EHD4: variants seen among roughly 807,000 people sequenced by gnomAD.
EHD4 encodes the protein EH domain containing 4, also known as EH domain-containing protein 4.
A neutral mutation model predicts 51.0 loss-of-function variants in EHD4; 37 were observed. The ratio of observed to expected loss-of-function variants is 0.73; its 90% confidence interval spans 0.56 to 0.95. The LOEUF is 0.95. Ranked by LOEUF, EHD4 falls within the 40% of genes least tolerant of loss-of-function variation. The probability of loss-of-function intolerance (pLI) is 0.00; values close to 1 mark genes in which losing one functional copy is unlikely to be tolerated. For missense variants in EHD4, 632 were observed against 733.1 expected (o/e 0.86, Z 1.59); for synonymous variants, 297 against 317.3 (o/e 0.94, Z 0.68).
At position 41,901,793 on chromosome 15, in the gene EHD4, G is replaced by T. The variant is rs548205713; in HGVS notation, c.1090-612C>A. Among the ~76,000 whole-genome samples, 3 of 152,296 alleles carry T rather than the reference G, an allele frequency of 2.0e-5. No homozygotes were observed. In the South Asian group the frequency reaches 6.2e-4, roughly 32 times the overall value. Reference sequence around the variant, plus strand: ...CTAACCTCTTATGAATGAGCTGAGGGCGCTACTCAACAGGAACCCCGTAGG... The same window carrying T: ...CTAACCTCTTATGAATGAGCTGAGGTCGCTACTCAACAGGAACCCCGTAGG... On this transcript the variant is annotated intron_variant, in intron 5 of 5. Coordinates refer to ENST00000220325, the MANE Select transcript of EHD4 (RefSeq NM_139265.4).
Position 41,953,882 on chromosome 15 carries a change from A to G in EHD4, c.295T>C (p.Ser99Pro). Residue 99 changes from serine (S) to proline (P), a missense_variant, in exon 2 of 6, where the codon TCC (serine) becomes CCC (proline). Physicochemically the swap from Ser to Pro is moderately conservative, Grantham distance 74. Coordinates refer to ENST00000220325, the MANE Select transcript of EHD4 (RefSeq NM_139265.4). ...TCTCCATACATCACGGCGATGAAGG[A>G]GTCTGTGGTGGGCTCCGGACCAATC... is the stretch of plus-strand genomic sequence containing the variant. ...MRIGPEPTTD[S>P]FIAVMYGETE... 10 of 1,613,828 alleles carry G rather than the reference A, an allele frequency of 6.2e-6. No individual in the cohort carries two copies. The highest frequency in any genetic ancestry group is 8.5e-6 in the Non-Finnish European group (10 of 1,179,950).
chr15:41,924,116 TG>T (rs1266040406), intron 3 of EHD4, among the ~76,000 whole-genome samples: 1 of 152,262 alleles, frequency 6.6e-6, no homozygotes, highest in Non-Finnish European at 1.5e-5. Flanking sequence ...AAATTTGAGC[TG>T]TGGTTACTCT....
chr15:41,930,100 C>A (rs2067688604), intron 3 of EHD4, among the ~76,000 whole-genome samples: 1 of 152,154 alleles, frequency 6.6e-6, no homozygotes. Flanking sequence ...AACTTATTGT[C>A]ATCCAATTCC....
intron 2 of EHD4, among the ~76,000 whole-genome samples, chr15:41,949,109 C>T (rs963302176): frequency 2.0e-5 from 3 of 147,762 alleles, no homozygotes; most frequent in African/African-American, 7.5e-5. Flanking sequence ...GTGGCTCATG[C>T]CTGTAATCCC....
At chr15:41,940,108 C>A (rs867320655) in intron 3 of EHD4, among the ~76,000 whole-genome samples, 3 of 152,122 alleles carry the variant, frequency 2.0e-5, no homozygotes, top group Non-Finnish European at 4.4e-5. Context: ...CGTGAGCCAC[C>A]GCGCCCAGCC....
rs1016215120 is a variant in EHD4, at chr15:41,897,962, G to C, written c.*2683C>G. 6.6e-6 allele frequency: 1 copy of C among 152,224 alleles called. No homozygotes were observed. Among genetic ancestry groups the C allele is most frequent in the African/African-American group, 2.4e-5 (1 of 41,448 alleles). 9.4% of individuals were successfully genotyped at this position (152,224 alleles called of 1,614,324 possible). A position where few individuals can be genotyped will look rare whatever the true frequency, so the allele number is the denominator to read the frequency against. Reference sequence around the variant, plus strand: ...GGTCGGCCCTGCCGCCCTGCCGTGTGGGGTAGGGAGACAGCTGGTGGTGTG... The same window carrying C: ...GGTCGGCCCTGCCGCCCTGCCGTGTCGGGTAGGGAGACAGCTGGTGGTGTG... On this transcript the variant is annotated 3_prime_UTR_variant, in exon 6 of 6. Transcript: ENST00000220325.
Position 41,972,197 on chromosome 15 carries a change from T to C in EHD4, c.236+62A>G, listed in dbSNP as rs1595549793. The stretch of plus-strand genomic sequence containing the variant: ...GGGGCAGCGGCGGGAGGCGGCCGAC[T>C]GCGGCGCACACGTGGGGAGGGCGGA... On this transcript the variant is annotated intron_variant, in intron 1 of 5. Coordinates refer to ENST00000220325, the MANE Select transcript of EHD4 (RefSeq NM_139265.4). 3.1e-6 allele frequency: 4 copies of C among 1,306,592 alleles called. No individual in the cohort carries two copies. The East Asian group carries it at 1.2e-4, about 40-fold the overall frequency. The allele number at this position is 1,306,592 out of a possible 1,614,324, so 80.9% of individuals were successfully genotyped here.
chr15:41,897,998 C>T lies in EHD4; in HGVS notation c.*2647G>A, dbSNP rs1672461. ...ACAGCTGGTGGTGTGGACACATTCA[C>T]AGAACTTTGTACTGGTCCTGGGAAG... is the stretch of plus-strand genomic sequence containing the variant. On this transcript the variant is annotated 3_prime_UTR_variant, in exon 6 of 6. Transcript: ENST00000220325. The T allele has an allele frequency of 0.6, 91,487 of 152,098 alleles. 27,983 individuals carry two copies. Among genetic ancestry groups the T allele is most frequent in the East Asian group, 0.91 (4,706 of 5,174 alleles). The allele number at this position is 152,098 out of a possible 1,614,324, so 9.4% of individuals were successfully genotyped here. A position where few individuals can be genotyped will look rare whatever the true frequency, so the allele number is the denominator to read the frequency against.
intron 3 of EHD4, among the ~76,000 whole-genome samples, chr15:41,932,035 C>T (rs375856262): frequency 7.4e-4 from 113 of 152,058 alleles, no homozygotes; most frequent in Middle Eastern, 3.4e-3. Flanking sequence ...TATATTTGCA[C>T]GTTATCGTGC....
chr15:41,933,729 TA>T (rs1418212127), intron 3 of EHD4, among the ~76,000 whole-genome samples: 3 of 152,204 alleles, frequency 2.0e-5, no homozygotes, highest in Non-Finnish European at 4.4e-5. Context: ...AATGTCCCCA[TA>T]AAACCAGGGA....
chr15:41,961,696 T>C (rs2067925388), intron 1 of EHD4, among the ~76,000 whole-genome samples: 1 of 152,230 alleles, frequency 6.6e-6, no homozygotes, highest in Non-Finnish European at 1.5e-5. Context: ...AAACTAGTAA[T>C]AGATAATTTC....
chr15:41,924,748 C>T (rs538115209), intron 3 of EHD4, among the ~76,000 whole-genome samples: 2 of 152,094 alleles, frequency 1.3e-5, no homozygotes, highest in African/African-American at 4.8e-5. Flanking sequence ...GCAAATATGT[C>T]AAATTCACCA....
intron 3 of EHD4, among the ~76,000 whole-genome samples, chr15:41,937,483 C>T (rs1347437416): frequency 6.6e-6 from 1 of 152,210 alleles, no homozygotes; most frequent in East Asian, 1.9e-4. Flanking sequence ...TCACCCATCT[C>T]TCCAGCCAGG....
rs773172323 is a variant in EHD4 at position 41,924,173 on chromosome 15, C to T, written c.512-4551G>A. Reference sequence around the variant, plus strand: ...ATCCTGAGTTCCCTTGCCTGTGCTGCCTATGGCACCACTTCACACAGGGTA... The same window carrying T: ...ATCCTGAGTTCCCTTGCCTGTGCTGTCTATGGCACCACTTCACACAGGGTA... On this transcript the variant is annotated intron_variant, in intron 3 of 5. Transcript: ENST00000220325. Among the ~76,000 whole-genome samples, 44 of 152,122 alleles carry T rather than the reference C, an allele frequency of 2.9e-4. 1 individual carries two copies. The highest frequency in any genetic ancestry group is 2.0e-3 in the Admixed American group (30 of 15,268).
At chr15:41,925,279 T>C (rs1268074261) in intron 3 of EHD4, among the ~76,000 whole-genome samples, 2 of 152,174 alleles carry the variant, frequency 1.3e-5, no homozygotes, top group Non-Finnish European at 1.5e-5. Flanking sequence ...TGAACGAAGC[T>C]ATAGTAGAAG....
In EHD4 at chr15:41,898,118, T is replaced by G. The variant is rs2067451571; in HGVS notation, c.*2527A>C. ...ATGAATGACTGCATGTAAGAGGATA[T>G]TAAGAAAAGTGGCCAAATGATTTCC... On this transcript the variant is annotated 3_prime_UTR_variant, in exon 6 of 6. Transcript: ENST00000220325. The G allele has an allele frequency of 6.6e-6, 1 of 152,256 alleles. No homozygotes were observed. Among genetic ancestry groups the G allele is most frequent in the Admixed American group, 6.5e-5 (1 of 15,286 alleles). The allele number at this position is 152,256 out of a possible 1,614,324, so 9.4% of individuals were successfully genotyped here.
At chr15:41,971,670 C>T (rs2067996327) in intron 1 of EHD4, among the ~76,000 whole-genome samples, 6 of 152,194 alleles carry the variant, frequency 3.9e-5, no homozygotes, top group Admixed American at 3.9e-4. Flanking sequence ...GGCTGCTACA[C>T]GCAGCTCACT....
In EHD4 at chr15:41,953,860, C is replaced by G. The variant is rs904632848; in HGVS notation, c.317G>C (p.Gly106Ala). Residue 106 changes from glycine to alanine, a missense_variant, in exon 2 of 6, where the codon GGA becomes GCA. Gly to Ala is a moderately conservative substitution (Grantham distance 60). Transcript: ENST00000220325. ...TTDSFIAVMY[G>A]ETEGSTPGNA... ...CCCTGGGGTGCTGCCCTCAGTCTCT[C>G]CATACATCACGGCGATGAAGGAGTC... 8.1e-6 allele frequency: 13 copies of G among 1,613,942 alleles called. No homozygotes were observed. The highest frequency in any genetic ancestry group is 1.1e-5 in the Non-Finnish European group (13 of 1,180,020).
In EHD4 at chr15:41,972,455, G is replaced by A. The variant is rs577508454; in HGVS notation, c.40C>T (p.Arg14Cys). ...WMGRQAGGRE[R>C]AGGADAVQTV... ...TGCACCGCGTCCGCGCCGCCAGCGCGTTCGCGCCCGCCCGCCTGCCGCCCC... is the reference window on the plus strand; with the variant it reads ...TGCACCGCGTCCGCGCCGCCAGCGCATTCGCGCCCGCCCGCCTGCCGCCCC... The change falls in exon 1 of 6, where the codon CGC (arginine) becomes TGC (cysteine). Residue 14 changes from arginine to cysteine, a missense_variant. Coordinates refer to ENST00000220325, the MANE Select transcript of EHD4 (RefSeq NM_139265.4). 4 of 1,558,570 alleles carry A rather than the reference G, an allele frequency of 2.6e-6. No individual in the cohort carries two copies. Among genetic ancestry groups the A allele is most frequent in the African/African-American group, 1.4e-5 (1 of 71,392 alleles).
Sources: allele counts gnomAD v4.1 joint callset (sites outside exome capture counted in the v4.1 genomes callset), GRCh38; gene constraint gnomAD v4.1.1; transcripts MANE v1.5; gene names NCBI Gene and HGNC (gene_info 2026-07-23, HGNC 2026-07-21).